Variants in MAN1A2 observed in about 807,000 individuals in gnomAD.
MAN1A2 encodes the protein mannosyl-oligosaccharide 1,2-alpha-mannosidase IB.
MAN1A2 carries 26 observed loss-of-function variants against 75.7 expected under a neutral mutation model. That is an observed-to-expected ratio of 0.34 (90% CI 0.25 to 0.48). MAN1A2 has a LOEUF of 0.48. MAN1A2 is among the 20% of genes least tolerant of loss of function. The probability of loss-of-function intolerance (pLI) is 0.99; values close to 1 mark genes in which losing one functional copy is unlikely to be tolerated. For missense variants in MAN1A2, 562 were observed against 775.5 expected (o/e 0.72, Z 3.27); for synonymous variants, 247 against 264.6 (o/e 0.93, Z 0.65).
intron 8 of MAN1A2, among the ~76,000 whole-genome samples, chr1:117,469,738 A>G (rs542670495): frequency 3.9e-5 from 6 of 152,274 alleles, no homozygotes; most frequent in Admixed American, 2.0e-4. Flanking sequence ...CATGAAAAAG[A>G]TGGTTAACAT....
chr1:117,402,011 C>T (rs1215156973), intron 1 of MAN1A2, among the ~76,000 whole-genome samples, 175 bp from the exon 2 acceptor site: 1 of 152,060 alleles, frequency 6.6e-6, no homozygotes, highest in Non-Finnish European at 1.5e-5. Flanking sequence ...ATCCAGGGTT[C>T]CTTTTCTTTC....
At chr1:117,385,535 G>A (rs1009328851) in intron 1 of MAN1A2, among the ~76,000 whole-genome samples, 9 of 152,080 alleles carry the variant, frequency 5.9e-5, no homozygotes, top group African/African-American at 9.7e-5. Context: ...TATTTTTCAC[G>A]GATGTTGTGA....
At chr1:117,519,144 G>A (rs1032866758) in intron 12 of MAN1A2, among the ~76,000 whole-genome samples, 39 of 151,862 alleles carry the variant, frequency 2.6e-4, no homozygotes, top group African/African-American at 8.9e-4. Context: ...TTGAACAGCA[G>A]TAGTGACACA....
chr1:117,469,260 A>C (rs1650067668), intron 8 of MAN1A2, among the ~76,000 whole-genome samples: 1 of 152,236 alleles, frequency 6.6e-6, no homozygotes, highest in Admixed American at 6.6e-5. Flanking sequence ...GCCATGTGAA[A>C]AATAATGAAG....
At chr1:117,504,845 A>T (rs1216110527) in intron 12 of MAN1A2, among the ~76,000 whole-genome samples, 2 of 151,364 alleles carry the variant, frequency 1.3e-5, no homozygotes, top group Non-Finnish European at 3.0e-5. Context: ...TAATTGTTCC[A>T]CATGATCAGA....
intron 9 of MAN1A2, among the ~76,000 whole-genome samples, chr1:117,496,496 G>T (rs759388618): frequency 1.3e-5 from 2 of 151,952 alleles, no homozygotes; most frequent in Non-Finnish European, 2.9e-5. Flanking sequence ...AGGGACTAAA[G>T]ATAATATTAT....
chr1:117,428,587 G>GA (rs142186606), intron 5 of MAN1A2, among the ~76,000 whole-genome samples: 25,106 of 151,802 alleles, frequency 0.17, 2,512 homozygotes, highest in African/African-American at 0.26. Context: ...GGCAAAAATA[G>GA]TTAAAACGAC....
chr1:117,443,698 C>T (rs1649117571), intron 6 of MAN1A2, among the ~76,000 whole-genome samples: 1 of 152,016 alleles, frequency 6.6e-6, no homozygotes. Flanking sequence ...AATTTAATTT[C>T]TTTGGTATGT....
chr1:117,383,121 G>A (rs565690263), intron 1 of MAN1A2, among the ~76,000 whole-genome samples: 1 of 152,134 alleles, frequency 6.6e-6, no homozygotes, highest in African/African-American at 2.4e-5. Context: ...TATCTTAGGG[G>A]CAAAGCTTTC....
chr1:117,526,880 C>CTCTCTATATATA lies in MAN1A2; in HGVS notation c.*3924_*3925insCTCTATATATAT. ...TCTCTCTCTCTCTCTCTCTCTCTCT[C>CTCTCTATATATA]TATATATATATATATATATATATAT... On this transcript the variant is annotated 3_prime_UTR_variant, in exon 13 of 13. Coordinates refer to ENST00000356554, the MANE Select transcript of MAN1A2 (RefSeq NM_006699.5). 1.5e-3 allele frequency: 84 copies of CTCTCTATATATA among 54,502 alleles called. No individual in the cohort carries two copies. The highest frequency in any genetic ancestry group is 2.4e-3 in the African/African-American group (30 of 12,278). The allele number at this position is 54,502 out of a possible 1,614,324, so 3.4% of individuals were successfully genotyped here.
At chr1:117,499,240 T>G (rs1043050348) in intron 10 of MAN1A2, 142 bp from the exon 11 acceptor site, 1 of 508,834 alleles carries the variant, frequency 2.0e-6, no homozygotes. Flanking sequence ...AAATGACTCA[T>G]TTTGCACTGA....
rs144359104 is a variant in MAN1A2, at chr1:117,370,302, G to A, written c.302+1817G>A. Among the ~76,000 whole-genome samples the A allele has an allele frequency of 4.7e-4, 72 of 152,290 alleles. No homozygotes were observed. In the East Asian group the frequency reaches 0.012, roughly 26 times the overall value. On this transcript the variant is annotated intron_variant, in intron 1 of 12. Coordinates refer to ENST00000356554, the MANE Select transcript of MAN1A2 (RefSeq NM_006699.5). ...ATGCCCTGAGTTTTGGCTAGTAAGAGTCTGGATAGCAAGTGATACATGTGA... is the reference window on the plus strand; with the variant it reads ...ATGCCCTGAGTTTTGGCTAGTAAGAATCTGGATAGCAAGTGATACATGTGA...
chr1:117,404,551 GA>G (rs1647550705), intron 2 of MAN1A2, among the ~76,000 whole-genome samples: 1 of 152,170 alleles, frequency 6.6e-6, no homozygotes. Flanking sequence ...CATGCTGGCA[GA>G]GAGCCATTAT....
At chr1:117,447,749 A>T (rs1434499879) in intron 6 of MAN1A2, among the ~76,000 whole-genome samples, 2 of 151,994 alleles carry the variant, frequency 1.3e-5, no homozygotes, top group Non-Finnish European at 2.9e-5. Flanking sequence ...GCTATTTTTT[A>T]AAAAATCAGT....
intron 5 of MAN1A2, among the ~76,000 whole-genome samples, chr1:117,424,459 AC>A (rs1474941351): frequency 6.6e-6 from 1 of 152,176 alleles, no homozygotes; most frequent in Non-Finnish European, 1.5e-5. Flanking sequence ...CACCTTTCGT[AC>A]CCATAAGATT....
At chr1:117,432,147 A>G (rs1648692786) in intron 5 of MAN1A2, among the ~76,000 whole-genome samples, 1 of 152,210 alleles carries the variant, frequency 6.6e-6, no homozygotes, top group Non-Finnish European at 1.5e-5. Flanking sequence ...GAATTGATAA[A>G]CCTTTTTAGC....
Position 117,453,476 on chromosome 1 carries a change from A to G in MAN1A2, c.951-7013A>G, listed in dbSNP as rs572799323. ...CTCATGGGTGATTTTGAAGGGTTCA[A>G]ACTCAAGTGGAGGAAGTAACTGTAG... On this transcript the variant is annotated intron_variant, in intron 6 of 12. Transcript: ENST00000356554. Among the ~76,000 whole-genome samples, 4 of 152,318 alleles carry G rather than the reference A, an allele frequency of 2.6e-5. No individual in the cohort carries two copies. The East Asian group carries it at 7.7e-4, about 29-fold the overall frequency.
chr1:117,372,238 C>T (rs1292135214), intron 1 of MAN1A2, among the ~76,000 whole-genome samples: 3 of 152,020 alleles, frequency 2.0e-5, no homozygotes, highest in South Asian at 2.1e-4. Context: ...TGGCTTAGAT[C>T]GCAGTGGTGA....
At chr1:117,465,738 A>C (rs1649960915) in intron 7 of MAN1A2, among the ~76,000 whole-genome samples, 1 of 152,112 alleles carries the variant, frequency 6.6e-6, no homozygotes, top group African/African-American at 2.4e-5. Context: ...ATAAATCCCT[A>C]GGAAAGTCTC....
Sources: gnomAD v4.1 joint callset for allele counts (sites outside exome capture counted in the v4.1 genomes callset) on GRCh38, gnomAD v4.1.1 for gene constraint, MANE v1.5 for transcripts, NCBI Gene and HGNC (gene_info 2026-07-23, HGNC 2026-07-21) for gene names.